CNTNAP2: variants seen among roughly 807,000 people sequenced by gnomAD.
CNTNAP2 encodes the protein contactin associated protein 2.
Under a neutral mutation model 155.2 loss-of-function variants are expected in CNTNAP2, and 98 were observed. The observed-to-expected ratio is 0.63, with a 90% CI of 0.54 to 0.75. The LOEUF (loss-of-function observed/expected upper bound fraction) is 0.75, where lower values mean the gene tolerates loss of function less well. Ranked by LOEUF, CNTNAP2 falls within the 30% of genes least tolerant of loss-of-function variation. CNTNAP2 has a pLI of 0.00. For synonymous variants in CNTNAP2, 651 were observed against 631.2 expected, an observed-to-expected ratio of 1.03 and a Z score of -0.47; for missense variants, 1,727 against 1,688.1, an observed-to-expected ratio of 1.02 and a Z score of -0.40.
At chr7:147,116,599 G>A (rs187562633) in intron 5 of CNTNAP2, among the ~76,000 whole-genome samples, 1 of 152,152 alleles carries the variant, frequency 6.6e-6, no homozygotes, top group African/African-American at 2.4e-5. Flanking sequence ...TGACAAAACA[G>A]CTATGTTGTG....
At chr7:146,207,637 G>GTTTTTTT (rs57881187) in intron 1 of CNTNAP2, among the ~76,000 whole-genome samples, 19 of 122,360 alleles carry the variant, frequency 1.6e-4, no homozygotes, top group Admixed American at 2.5e-4. Flanking sequence ...ACAGGACTGT[G>GTTTTTTT]TTTTTTTTTT....
chr7:146,303,054 A>G (rs1267278951), intron 1 of CNTNAP2, among the ~76,000 whole-genome samples: 1 of 149,420 alleles, frequency 6.7e-6, no homozygotes, highest in Non-Finnish European at 1.5e-5. Context: ...GGGAGAAACT[A>G]GGTACACCTT....
chr7:148,398,096 CTTAAAATATGTGTAGAA>C (rs1799508158), intron 22 of CNTNAP2, among the ~76,000 whole-genome samples: 1 of 152,184 alleles, frequency 6.6e-6, no homozygotes, highest in Non-Finnish European at 1.5e-5. Flanking sequence ...TCATAAAAGA[CTTAAAATATGTGTAGAA>C]TTAATTTTTA....
At chr7:147,491,620 G>A (rs74576729) in intron 11 of CNTNAP2, among the ~76,000 whole-genome samples, 43 of 152,314 alleles carry the variant, frequency 2.8e-4, no homozygotes, top group African/African-American at 9.6e-4. Context: ...GCCCAGCACA[G>A]ACTATGCACG....
chr7:146,619,634 C>A (rs1799285053), intron 1 of CNTNAP2, among the ~76,000 whole-genome samples: 1 of 152,024 alleles, frequency 6.6e-6, no homozygotes, highest in Non-Finnish European at 1.5e-5. Flanking sequence ...AATTATAAAT[C>A]CAGGTGTCTA....
chr7:147,356,534 T>C (rs559498169), intron 9 of CNTNAP2, among the ~76,000 whole-genome samples: 1 of 152,118 alleles, frequency 6.6e-6, no homozygotes, highest in African/African-American at 2.4e-5. Flanking sequence ...GAAAACCCCA[T>C]TGTCTTAGCC....
At chr7:147,492,128 G>T (rs1178375533) in intron 11 of CNTNAP2, among the ~76,000 whole-genome samples, 1 of 152,192 alleles carries the variant, frequency 6.6e-6, no homozygotes, top group Non-Finnish European at 1.5e-5. Flanking sequence ...GACCAGGGTG[G>T]GGGAAGTGGG....
At chr7:148,191,752 T>A (rs1345599202) in intron 18 of CNTNAP2, among the ~76,000 whole-genome samples, 3 of 152,188 alleles carry the variant, frequency 2.0e-5, no homozygotes, top group Non-Finnish European at 2.9e-5. Flanking sequence ...TTCCAAGGCC[T>A]CACCTCCTCC....
At chr7:147,525,270 T>G (rs1799298423) in intron 11 of CNTNAP2, among the ~76,000 whole-genome samples, 1 of 152,194 alleles carries the variant, frequency 6.6e-6, no homozygotes, top group Admixed American at 6.5e-5. Context: ...GAATTCTAAA[T>G]GGCAAATGAC....
At chr7:146,217,179 A>G (rs1312429430) in intron 1 of CNTNAP2, among the ~76,000 whole-genome samples, 1 of 152,212 alleles carries the variant, frequency 6.6e-6, no homozygotes, top group South Asian at 2.1e-4. Context: ...ACACACTGCT[A>G]TAGATAAGAG....
At chr7:146,195,350 A>G (rs1221109874) in intron 1 of CNTNAP2, among the ~76,000 whole-genome samples, 1 of 152,226 alleles carries the variant, frequency 6.6e-6, no homozygotes, top group Non-Finnish European at 1.5e-5. Flanking sequence ...TTCAAACAGA[A>G]AGAAAATGAG....
chr7:147,497,258 A>G (rs1013985959), intron 11 of CNTNAP2: 1 of 152,326 alleles, frequency 6.6e-6, no homozygotes, highest in African/African-American at 2.4e-5. Flanking sequence ...TTCATCACCC[A>G]GTTTCATCCC....
chr7:148,128,776 T>TC (rs565221800), intron 16 of CNTNAP2, among the ~76,000 whole-genome samples: 154 of 152,260 alleles, frequency 1.0e-3, no homozygotes, highest in African/African-American at 3.6e-3. Context: ...TGGGAATTCC[T>TC]CCTAAGCTGG....
At chr7:147,918,817 C>T (rs977212600) in intron 14 of CNTNAP2, among the ~76,000 whole-genome samples, 3 of 152,150 alleles carry the variant, frequency 2.0e-5, no homozygotes, top group African/African-American at 7.2e-5. Flanking sequence ...AATGGTGTGT[C>T]TTTACCTTAG....
At chr7:147,997,646 T>C (rs1801827252) in intron 15 of CNTNAP2, among the ~76,000 whole-genome samples, 1 of 151,796 alleles carries the variant, frequency 6.6e-6, no homozygotes, top group African/African-American at 2.4e-5. Flanking sequence ...CTTTGAAAGT[T>C]AAGTGCAGAA....
chr7:146,508,336 A>G (rs1319208215), intron 1 of CNTNAP2, among the ~76,000 whole-genome samples: 3 of 152,194 alleles, frequency 2.0e-5, no homozygotes, highest in Admixed American at 2.0e-4. Context: ...TTGTAAAACC[A>G]AGCTGTGAAA....
rs771772546 is a variant in CNTNAP2 at position 147,395,744 on chromosome 7, C to T, written c.1634C>T (p.Ala545Val). The change falls in exon 10 of 24, where the codon GCG becomes GTG. Residue 545 changes from alanine to valine, a missense_variant. Transcript: ENST00000361727. ...GCACAAAGGAAGCCGGGAAGTTTCG[C>T]GAATGTCAGCATTGACATGTGTGCG... ...EVAQRKPGSFANVSIDMCAII... is the reference protein window; with the variant it reads ...EVAQRKPGSFVNVSIDMCAII... 5.5e-5 allele frequency: 88 copies of T among 1,612,230 alleles called. No homozygotes were observed. The highest frequency in any genetic ancestry group is 1.3e-4 in the East Asian group (6 of 44,834).
chr7:146,817,123 C>A (rs61031866), intron 2 of CNTNAP2, among the ~76,000 whole-genome samples: 14,823 of 152,060 alleles, frequency 0.097, 2,296 homozygotes, highest in African/African-American at 0.33. Context: ...GAAAGGAAAA[C>A]CCTGTTACAT....
chr7:147,137,253 G>A (rs1801501789), intron 8 of CNTNAP2, among the ~76,000 whole-genome samples: 1 of 150,442 alleles, frequency 6.6e-6, no homozygotes, highest in Non-Finnish European at 1.5e-5. Context: ...TTAATAACAT[G>A]GTAAAAAATG....
Sources: allele counts gnomAD v4.1 joint callset (sites outside exome capture counted in the v4.1 genomes callset), GRCh38; gene constraint gnomAD v4.1.1; transcripts MANE v1.5; gene names NCBI Gene and HGNC (gene_info 2026-07-23, HGNC 2026-07-21).